The following EXT1 variants were observed in gnomAD, a reference collection of about 807,000 sequenced individuals.
EXT1 encodes the protein exostosin-1.
In EXT1, 20 loss-of-function variants were observed where a neutral mutation model predicts 82.5. The ratio of observed to expected loss-of-function variants is 0.24; its 90% CI spans 0.17 to 0.35. The LOEUF (loss-of-function observed/expected upper bound fraction) is 0.35. Ranked by LOEUF, EXT1 falls within the 10% of genes least tolerant of loss-of-function variation. EXT1 has a pLI of 1.00. For synonymous variants in EXT1, 348 were observed against 350.8 expected, an observed-to-expected ratio of 0.99 and a Z score of 0.09; for missense variants, 757 against 936.5, an observed-to-expected ratio of 0.81 and a Z score of 2.50.
Position 118,080,194 on chromosome 8 carries a change from G to A in EXT1, c.962+29891C>T, listed in dbSNP as rs192135081. Among the ~76,000 whole-genome samples, 40 of 152,288 alleles carry A rather than the reference G, an allele frequency of 2.6e-4. No homozygotes were observed. The East Asian group carries it at 7.7e-3, about 29-fold the overall frequency. On this transcript the variant is annotated intron_variant, in intron 1 of 10. Coordinates refer to ENST00000378204, the MANE Select transcript of EXT1 (RefSeq NM_000127.3). ...TATGGAGGACGCCTCCACAAATTCA[G>A]ATCATCTGTGTTTTCTGAGTTGTTC...
At chr8:117,962,760 C>CA (rs1389391471) in intron 1 of EXT1, among the ~76,000 whole-genome samples, 3 of 131,656 alleles carry the variant, frequency 2.3e-5, no homozygotes, top group African/African-American at 1.2e-4. Flanking sequence ...CCCCCCACAC[C>CA]CCCCACCCCC....
intron 1 of EXT1, among the ~76,000 whole-genome samples, chr8:118,037,028 G>C (rs1013233599): frequency 6.6e-6 from 1 of 152,034 alleles, no homozygotes; most frequent in African/African-American, 2.4e-5. Flanking sequence ...TTGTTATCCA[G>C]GTATACTCAA....
At chr8:117,908,584 C>T (rs1339876132) in intron 1 of EXT1, among the ~76,000 whole-genome samples, 1 of 151,762 alleles carries the variant, frequency 6.6e-6, no homozygotes, top group Non-Finnish European at 1.5e-5. Context: ...GAGCCAAGAT[C>T]GTGTCACTGC....
chr8:118,082,268 T>C (rs2129983928), intron 1 of EXT1, among the ~76,000 whole-genome samples: 1 of 152,084 alleles, frequency 6.6e-6, no homozygotes, highest in South Asian at 2.1e-4. Context: ...TCCAGGGATA[T>C]ATTTATTTCT....
intron 1 of EXT1, among the ~76,000 whole-genome samples, chr8:118,085,937 A>G (rs1817410005): frequency 6.6e-6 from 1 of 152,198 alleles, no homozygotes; most frequent in Admixed American, 6.5e-5. Flanking sequence ...TAAATAAGGA[A>G]AGCTATTAAG....
chr8:117,858,509 T>TA (rs1812607135), intron 1 of EXT1, among the ~76,000 whole-genome samples: 2 of 151,678 alleles, frequency 1.3e-5, no homozygotes, highest in Non-Finnish European at 2.9e-5. Context: ...CCATCTCTAC[T>TA]AAAAATACAA....
chr8:118,068,739 C>T (rs1195063318), intron 1 of EXT1, among the ~76,000 whole-genome samples: 2 of 152,192 alleles, frequency 1.3e-5, no homozygotes, highest in African/African-American at 4.8e-5. Context: ...ATTCCAAGTA[C>T]ACCTGCCTGA....
chr8:118,035,394 A>G (rs1432498690), intron 1 of EXT1, among the ~76,000 whole-genome samples: 8 of 152,206 alleles, frequency 5.3e-5, no homozygotes, highest in African/African-American at 1.9e-4. Context: ...CCAATTACTA[A>G]TAAGAGTTAT....
At chr8:117,890,033 C>T (rs1473800739) in intron 1 of EXT1, among the ~76,000 whole-genome samples, 1 of 152,122 alleles carries the variant, frequency 6.6e-6, no homozygotes, top group African/African-American at 2.4e-5. Flanking sequence ...TTTGTCCCCC[C>T]AAATTTACTA....
At chr8:117,982,239 G>A (rs928112940) in intron 1 of EXT1, among the ~76,000 whole-genome samples, 1 of 152,154 alleles carries the variant, frequency 6.6e-6, no homozygotes, top group Non-Finnish European at 1.5e-5. Context: ...GTTCCTTGCG[G>A]GTGTAAGACT....
intron 1 of EXT1, among the ~76,000 whole-genome samples, chr8:118,072,339 G>T (rs1817110469): frequency 6.6e-6 from 1 of 152,124 alleles, no homozygotes; most frequent in Admixed American, 6.5e-5. Flanking sequence ...TCTGATTTAG[G>T]AAACTGATTT....
intron 1 of EXT1, among the ~76,000 whole-genome samples, chr8:117,865,276 T>C (rs1812758685): frequency 6.6e-6 from 1 of 152,216 alleles, no homozygotes. Context: ...CAAGCAATCC[T>C]GGCACCTCAG....
In EXT1 at chr8:118,028,254, A is replaced by G. The variant is rs1816238549; in HGVS notation, c.962+81831T>C. Among the ~76,000 whole-genome samples the G allele has an allele frequency of 3.3e-5, 5 of 152,238 alleles. No homozygotes were observed. The South Asian group carries it at 8.3e-4, about 25-fold the overall frequency. Reference sequence around the variant, plus strand: ...AACACTCCACTGGTGGCCAAGGGCCATGTTGGGGAAAGGGCAAGGACGCAT... The same window carrying G: ...AACACTCCACTGGTGGCCAAGGGCCGTGTTGGGGAAAGGGCAAGGACGCAT... On this transcript the variant is annotated intron_variant, in intron 1 of 10. Transcript: ENST00000378204.
intron 1 of EXT1, among the ~76,000 whole-genome samples, chr8:118,101,037 C>T (rs1329409087): frequency 6.6e-6 from 1 of 152,106 alleles, no homozygotes; most frequent in Non-Finnish European, 1.5e-5. Flanking sequence ...AGCTAAGTTT[C>T]GAAACTAAAT....
intron 1 of EXT1, among the ~76,000 whole-genome samples, chr8:118,087,939 CAAAAAAA>C (rs10706033): frequency 1.4e-4 from 12 of 83,924 alleles, no homozygotes; most frequent in African/African-American, 2.2e-4. Flanking sequence ...CGTTTCAGGG[CAAAAAAA>C]AAAAAAAAAA....
At chr8:117,939,594 A>G (rs1814235456) in intron 1 of EXT1, among the ~76,000 whole-genome samples, 1 of 151,738 alleles carries the variant, frequency 6.6e-6, no homozygotes, top group South Asian at 2.1e-4. Flanking sequence ...AAAGAAAAAG[A>G]AAAAAGAATA....
At chr8:117,933,717 T>C (rs1385577630) in intron 1 of EXT1, among the ~76,000 whole-genome samples, 2 of 152,172 alleles carry the variant, frequency 1.3e-5, no homozygotes, top group African/African-American at 4.8e-5. Flanking sequence ...TAAACATTTG[T>C]TTAATGAACA....
intron 7 of EXT1, 26 bp from the exon 8 acceptor site, chr8:117,812,987 G>C (rs188609829): frequency 6.3e-7 from 1 of 1,592,434 alleles, no homozygotes; most frequent in Non-Finnish European, 8.6e-7. Context: ...AGTAGGCAGT[G>C]GGGAGGGAAT....
chr8:118,010,633 G>A (rs551506070), intron 1 of EXT1, among the ~76,000 whole-genome samples: 251 of 152,246 alleles, frequency 1.6e-3, no homozygotes, highest in African/African-American at 5.8e-3. Flanking sequence ...TAGCATTCAG[G>A]TCCTTTAGGA....
Sources: gnomAD v4.1 joint callset for allele counts (sites outside exome capture counted in the v4.1 genomes callset) on GRCh38, gnomAD v4.1.1 for gene constraint, MANE v1.5 for transcripts, NCBI Gene and HGNC (gene_info 2026-07-23, HGNC 2026-07-21) for gene names.